GRIK4: variants seen among roughly 807,000 people sequenced by gnomAD.
GRIK4 encodes glutamate receptor ionotropic, kainate 4.
A neutral mutation model predicts 104.9 loss-of-function variants in GRIK4; 40 were observed. The ratio of observed to expected loss-of-function variants is 0.38; its 90% CI spans 0.30 to 0.50. GRIK4 has a LOEUF of 0.50. Ranked by LOEUF, GRIK4 falls within the 20% of genes least tolerant of loss-of-function variation. GRIK4 has a pLI of 0.93. For missense variants in GRIK4, 1,047 were observed against 1,308.1 expected, an observed-to-expected ratio of 0.80 and a Z score of 3.08; for synonymous variants, 485 against 524.9, an observed-to-expected ratio of 0.92 and a Z score of 1.04.
intron 2 of GRIK4, among the ~76,000 whole-genome samples, chr11:120,656,414 T>C (rs1388804606): frequency 6.6e-6 from 1 of 152,200 alleles, no homozygotes; most frequent in Non-Finnish European, 1.5e-5. Flanking sequence ...TGTGCAAAGA[T>C]TTTTGCAAGC....
intron 11 of GRIK4, among the ~76,000 whole-genome samples, chr11:120,892,621 C>G (rs1955337847): frequency 6.6e-6 from 1 of 152,094 alleles, no homozygotes; most frequent in South Asian, 2.1e-4. Context: ...CCAGAGGACC[C>G]CTGTGGTCCT....
Position 120,952,902 on chromosome 11 carries a change from C to T in GRIK4, c.1638C>T (p.Gly546=), listed in dbSNP as rs920820516. ...CCTTCCTGGACCCATTTTCTCCGGG[C>T]GTCTGGCTCTTCATGCTTCTAGCCT... ...YFSFLDPFSP[G]VWLFMLLAYL... is the part of the protein sequence containing the mutation. The change falls in exon 15 of 21, where the codon GGC becomes GGT. Residue 546 remains glycine, a synonymous_variant. Transcript: ENST00000527524. This position sits in a 1 kb window ranked among gnomAD's most constrained non-coding sequence, Gnocchi z 5.2. The T allele has an allele frequency of 7.4e-6, 12 of 1,613,872 alleles. No homozygotes were observed. Among genetic ancestry groups the T allele is most frequent in the African/African-American group, 1.3e-5 (1 of 74,900 alleles).
At chr11:120,575,535 G>A (rs554535435) in intron 1 of GRIK4, among the ~76,000 whole-genome samples, 2 of 152,104 alleles carry the variant, frequency 1.3e-5, no homozygotes, top group East Asian at 1.9e-4. Context: ...GCTGGCCGCC[G>A]CTGAATGGGG....
intron 18 of GRIK4, 44 bp downstream of exon 18, chr11:120,962,725 C>T (rs1327816944): frequency 1.5e-6 from 2 of 1,350,094 alleles, no homozygotes; most frequent in African/African-American, 1.4e-5. Context: ...TTTGTCCAGA[C>T]AGGGTCAGGG....
chr11:120,897,789 A>G (rs1565424629), intron 11 of GRIK4, among the ~76,000 whole-genome samples: 2 of 151,882 alleles, frequency 1.3e-5, no homozygotes, highest in Non-Finnish European at 1.5e-5. Flanking sequence ...TGAGGTTTCT[A>G]TTATTATCCC....
At chr11:120,949,635 C>T (rs1230098585) in intron 14 of GRIK4, among the ~76,000 whole-genome samples, 1 of 151,994 alleles carries the variant, frequency 6.6e-6, no homozygotes, top group Admixed American at 6.5e-5. Context: ...TGAGAGTTTG[C>T]TGGCATTGGG....
intron 18 of GRIK4, among the ~76,000 whole-genome samples, chr11:120,965,953 A>G (rs524209): frequency 0.8 from 121,283 of 152,082 alleles, 48,578 homozygotes; most frequent in African/African-American, 0.83. Flanking sequence ...ATGGAGTTTG[A>G]GCAAGGAAAC....
chr11:120,962,944 G>T, intron 18 of GRIK4: 1 of 343,962 alleles, frequency 2.9e-6, no homozygotes, highest in Non-Finnish European at 5.2e-6. Context: ...TAATTTAAAG[G>T]GCTAATAGTA....
rs1952148325 is a variant in GRIK4, at chr11:120,781,134, T to C, written c.83-21559T>C. ...TTCTCCACTTTTTATGTCCTTTCTT[T>C]CTTTTTTTTTTTTTGGTTTGTTTGT... is the stretch of plus-strand genomic sequence containing the variant. On this transcript the variant is annotated intron_variant, in intron 3 of 20. Coordinates refer to ENST00000527524, the MANE Select transcript of GRIK4 (RefSeq NM_014619.5). Among the ~76,000 whole-genome samples, 9 of 150,216 alleles carry C rather than the reference T, an allele frequency of 6.0e-5. No individual in the cohort carries two copies. The South Asian group carries it at 8.3e-4, about 14-fold the overall frequency.
At chr11:120,898,404 C>T (rs1942641345) in intron 11 of GRIK4, 128 bp from the exon 12 acceptor site, 5 of 636,688 alleles carry the variant, frequency 7.9e-6, no homozygotes, top group Non-Finnish European at 1.4e-5. Flanking sequence ...CAGTTCAGCC[C>T]CCGGCTCCGT....
intron 12 of GRIK4, among the ~76,000 whole-genome samples, chr11:120,900,969 G>T (rs1473099005): frequency 1.3e-5 from 2 of 152,118 alleles, no homozygotes; most frequent in Non-Finnish European, 2.9e-5. Flanking sequence ...CCTTCCCGCT[G>T]TCTTCTTAGT....
In GRIK4 at chr11:120,903,415, A is replaced by C. The variant is rs1415660424; in HGVS notation, c.1273-1875A>C. On this transcript the variant is annotated intron_variant, in intron 12 of 20. Coordinates refer to ENST00000527524, the MANE Select transcript of GRIK4 (RefSeq NM_014619.5). This position sits in a 1 kb window ranked among gnomAD's most constrained non-coding sequence, Gnocchi z 4.4. Reference sequence around the variant, plus strand: ...CTCTGTGAACCCACCCATACCCTCTACCTCACCTCCAGGCTCAGGCCTCAA... The same window carrying C: ...CTCTGTGAACCCACCCATACCCTCTCCCTCACCTCCAGGCTCAGGCCTCAA... Among the ~76,000 whole-genome samples, 2 of 149,330 alleles carry C rather than the reference A, an allele frequency of 1.3e-5. No homozygotes were observed. The highest frequency in any genetic ancestry group is 3.0e-5 in the Non-Finnish European group (2 of 67,076).
chr11:120,600,164 G>GA (rs1319019851), intron 1 of GRIK4, among the ~76,000 whole-genome samples: 1 of 152,078 alleles, frequency 6.6e-6, no homozygotes, highest in Non-Finnish European at 1.5e-5. Context: ...TTCAATGTGG[G>GA]AGCCCCTAAG....
intron 1 of GRIK4, among the ~76,000 whole-genome samples, chr11:120,580,456 A>G (rs1194173944): frequency 6.6e-6 from 1 of 151,934 alleles, no homozygotes; most frequent in South Asian, 2.1e-4. Flanking sequence ...CTGTACTTTT[A>G]GTAGAAACAG....
intron 1 of GRIK4, among the ~76,000 whole-genome samples, chr11:120,632,169 T>C (rs1298337135): frequency 2.6e-5 from 4 of 152,114 alleles, no homozygotes; most frequent in Non-Finnish European, 4.4e-5. Flanking sequence ...TGCCCTTGTA[T>C]AAGAGACCCC....
At chr11:120,683,434 A>G (rs540851870) in intron 3 of GRIK4, among the ~76,000 whole-genome samples, 2 of 152,318 alleles carry the variant, frequency 1.3e-5, no homozygotes, top group Non-Finnish European at 2.9e-5. Flanking sequence ...TATGTGGCAC[A>G]TGTTAAATGA....
At chr11:120,731,108 A>C (rs532797446) in intron 3 of GRIK4, among the ~76,000 whole-genome samples, 50 of 152,092 alleles carry the variant, frequency 3.3e-4, no homozygotes, top group Non-Finnish European at 6.9e-4. Flanking sequence ...ATGTTGAATA[A>C]AAGTGGGGAT....
intron 13 of GRIK4, among the ~76,000 whole-genome samples, chr11:120,925,809 A>G (rs1432194395): frequency 6.6e-6 from 1 of 151,942 alleles, no homozygotes. Context: ...CATCTCTACT[A>G]AAAATACAAA....
chr11:120,844,061 A>G (rs1381834557), intron 8 of GRIK4, among the ~76,000 whole-genome samples: 1 of 152,114 alleles, frequency 6.6e-6, no homozygotes, highest in East Asian at 1.9e-4. Context: ...ACCTGAGCCT[A>G]TGTTTATTTT....
Sources: allele counts gnomAD v4.1 joint callset (sites outside exome capture counted in the v4.1 genomes callset), GRCh38; gene constraint gnomAD v4.1.1; non-coding constraint Gnocchi (gnomAD v3.1); transcripts MANE v1.5; gene names NCBI Gene and HGNC (gene_info 2026-07-23, HGNC 2026-07-21).